MEI4: variants seen among roughly 807,000 people sequenced by gnomAD.
MEI4 encodes the protein meiotic double-stranded break formation protein 4, also known as meiosis-specific protein MEI4.
In MEI4, 27 loss-of-function variants were observed where a neutral mutation model predicts 31.4. The observed-to-expected ratio is 0.86, with a 90% CI of 0.63 to 1.19. The LOEUF (loss-of-function observed/expected upper bound fraction) is 1.19. Among genes scored for constraint, MEI4 ranks in the 50% most tolerant of loss-of-function variants. The probability of loss-of-function intolerance (pLI) is 0.00; values close to 1 mark genes in which losing one functional copy is unlikely to be tolerated. For missense variants in MEI4, 329 were observed against 398.9 expected (o/e 0.82, Z 1.49); for synonymous variants, 122 against 145.4 (o/e 0.84, Z 1.16).
intron 1 of MEI4, among the ~76,000 whole-genome samples, chr6:77,670,816 GAAATAC>G (rs1768724372): frequency 6.6e-6 from 1 of 152,028 alleles, no homozygotes; most frequent in Non-Finnish European, 1.5e-5. Flanking sequence ...ATCACAATCT[GAAATAC>G]ATACATTTTA....
intron 2 of MEI4, among the ~76,000 whole-genome samples, chr6:77,712,616 C>T (rs1184746815): frequency 6.6e-6 from 1 of 152,130 alleles, no homozygotes; most frequent in East Asian, 1.9e-4. Flanking sequence ...CAACATTTAT[C>T]ATCCAGTAGG....
chr6:77,688,617 T>A (rs1482558280), intron 1 of MEI4, among the ~76,000 whole-genome samples: 5 of 152,126 alleles, frequency 3.3e-5, no homozygotes. Flanking sequence ...TGCTGTGTTT[T>A]TATTATCCAG....
At chr6:77,745,541 G>A (rs1767573528) in intron 2 of MEI4, among the ~76,000 whole-genome samples, 1 of 152,156 alleles carries the variant, frequency 6.6e-6, no homozygotes, top group Non-Finnish European at 1.5e-5. Flanking sequence ...ATACCCCACT[G>A]TCAACATTAG....
chr6:77,919,110 A>G (rs941606829), intron 4 of MEI4, among the ~76,000 whole-genome samples: 1 of 152,046 alleles, frequency 6.6e-6, no homozygotes, highest in Non-Finnish European at 1.5e-5. Flanking sequence ...GTCAACAAGG[A>G]TACCCAGGAA....
At chr6:77,840,952 CA>C (rs1258078418) in intron 4 of MEI4, among the ~76,000 whole-genome samples, 26 of 152,020 alleles carry the variant, frequency 1.7e-4, no homozygotes, top group Non-Finnish European at 2.9e-5. Context: ...CTGTGCTTCA[CA>C]TGTAGGAAAA....
At chr6:77,735,138 C>A (rs1297009955) in intron 2 of MEI4, among the ~76,000 whole-genome samples, 1 of 151,834 alleles carries the variant, frequency 6.6e-6, no homozygotes, top group African/African-American at 2.4e-5. Flanking sequence ...CGAGGAGTAT[C>A]TTTGTGACAT....
At chr6:77,880,449 T>C (rs1208883033) in intron 4 of MEI4, among the ~76,000 whole-genome samples, 1 of 152,190 alleles carries the variant, frequency 6.6e-6, no homozygotes, top group Non-Finnish European at 1.5e-5. Flanking sequence ...TGTGGGTATT[T>C]TTTAAATCAC....
chr6:77,745,510 C>G (rs1161640951), intron 2 of MEI4, among the ~76,000 whole-genome samples: 1 of 152,174 alleles, frequency 6.6e-6, no homozygotes, highest in Non-Finnish European at 1.5e-5. Flanking sequence ...GACTCCCACA[C>G]ATTAATAATG....
upstream of MEI4, among the ~76,000 whole-genome samples, chr6:77,650,425 C>T (rs1362220746): frequency 6.6e-6 from 1 of 152,206 alleles, no homozygotes; most frequent in Admixed American, 6.5e-5. Context: ...GAGTGGAAGG[C>T]CCTGGGCGCT....
At chr6:77,750,506 A>G (rs563408137) in intron 2 of MEI4, among the ~76,000 whole-genome samples, 13 of 152,316 alleles carry the variant, frequency 8.5e-5, no homozygotes, top group African/African-American at 3.1e-4. Context: ...ACCAACAAAG[A>G]TCAAAAGAGA....
At chr6:77,691,859 C>CT (rs924004486) in intron 2 of MEI4, among the ~76,000 whole-genome samples, 22 of 151,700 alleles carry the variant, frequency 1.5e-4, no homozygotes, top group African/African-American at 5.1e-4. Flanking sequence ...AGCCACTGGG[C>CT]TTTTTTGAAG....
intron 4 of MEI4, among the ~76,000 whole-genome samples, chr6:77,891,118 T>C (rs1421735732): frequency 1.3e-5 from 2 of 152,254 alleles, no homozygotes; most frequent in Non-Finnish European, 2.9e-5. Context: ...GCATTGGAAA[T>C]GAGCTTTCTG....
chr6:77,922,054 A>T (rs1766715913), intron 4 of MEI4, among the ~76,000 whole-genome samples: 1 of 151,752 alleles, frequency 6.6e-6, no homozygotes, highest in Non-Finnish European at 1.5e-5. Flanking sequence ...ATTTGAAAAA[A>T]TTGCAATATC....
chr6:77,808,135 T>C (rs1039156923), intron 3 of MEI4, among the ~76,000 whole-genome samples: 2 of 152,180 alleles, frequency 1.3e-5, no homozygotes, highest in African/African-American at 2.4e-5. Flanking sequence ...TCCATTTCAT[T>C]CTGAAAAGGG....
intron 3 of MEI4, among the ~76,000 whole-genome samples, chr6:77,766,733 C>T (rs571975072): frequency 6.6e-6 from 1 of 152,000 alleles, no homozygotes; most frequent in Non-Finnish European, 1.5e-5. Context: ...CATGCCAGGT[C>T]GAAATCAGTT....
chr6:77,795,653 T>G (rs573571188), intron 3 of MEI4, among the ~76,000 whole-genome samples: 22 of 151,952 alleles, frequency 1.4e-4, no homozygotes, highest in Non-Finnish European at 3.2e-4. Context: ...GAACATTATA[T>G]GGATAACCTA....
At chr6:77,899,286 A>T (rs904314226) in intron 4 of MEI4, among the ~76,000 whole-genome samples, 13 of 152,054 alleles carry the variant, frequency 8.5e-5, no homozygotes, top group African/African-American at 3.1e-4. Flanking sequence ...TGCCACCTGG[A>T]ACAAAACTGG....
intron 4 of MEI4, among the ~76,000 whole-genome samples, chr6:77,862,440 C>T (rs1206203166): frequency 6.6e-6 from 1 of 152,256 alleles, no homozygotes; most frequent in Non-Finnish European, 1.5e-5. Flanking sequence ...CCACGCATGG[C>T]TCAGAGGGTC....
chr6:77,793,032 A>G (rs1371583413), intron 3 of MEI4, among the ~76,000 whole-genome samples: 1 of 152,064 alleles, frequency 6.6e-6, no homozygotes, highest in Non-Finnish European at 1.5e-5. Flanking sequence ...TATTTATTGA[A>G]GAGAATGTTT....
Sources: allele counts gnomAD v4.1 joint callset (sites outside exome capture counted in the v4.1 genomes callset), GRCh38; gene constraint gnomAD v4.1.1; transcripts MANE v1.5; gene names NCBI Gene and HGNC (gene_info 2026-07-23, HGNC 2026-07-21).